BEST3: variants seen among roughly 807,000 people sequenced by gnomAD.
BEST3 encodes bestrophin 3.
In BEST3, 50 loss-of-function variants were observed where a neutral mutation model predicts 47.1. The observed-to-expected ratio is 1.06, with a 90% CI of 0.85 to 1.34. The LOEUF is 1.34. Ranked by LOEUF, BEST3 falls within the 40% of genes most tolerant of loss-of-function variation. The pLI is 0.00. For missense variants in BEST3, 765 were observed against 817.0 expected, an observed-to-expected ratio of 0.94 and a Z score of 0.78; for synonymous variants, 282 against 298.8, an observed-to-expected ratio of 0.94 and a Z score of 0.58.
chr12:69,668,765 C>T lies in BEST3; in HGVS notation c.1100+2663G>A, dbSNP rs150459281. On this transcript the variant is annotated intron_variant, in intron 9 of 9. Transcript: ENST00000330891. ...GCCATGAATAGTCAAAATATTGTCT[C>T]CCTGTTGATAGTAATTAGCTCAGAA... Among the ~76,000 whole-genome samples the T allele has an allele frequency of 4.0e-3, 605 of 152,266 alleles. 5 individuals are homozygous for T. Among genetic ancestry groups the T allele is most frequent in the African/African-American group, 0.014 (561 of 41,542 alleles).
Position 69,655,388 on chromosome 12 carries a change from T to C in BEST3, c.1526A>G (p.Glu509Gly). 9.9e-6 allele frequency: 16 copies of C among 1,614,082 alleles called. No individual in the cohort carries two copies. The highest frequency in any genetic ancestry group is 1.4e-5 in the Non-Finnish European group (16 of 1,179,996). Residue 509 changes from glutamate (E) to glycine (G), a missense_variant, in exon 10 of 10, where the codon GAA (glutamate) becomes GGA (glycine). Transcript: ENST00000330891. ...LVPEVLITAA[E>G]APVPTSGGYH... ...GCCCCCTGATGTGGGCACTGGTGCT[T>C]CGGCTGCTGTGATCAATACCTCAGG...
At chr12:69,697,530 A>G (rs1886176167) in intron 2 of BEST3, 117 bp downstream of exon 2, 2 of 759,066 alleles carry the variant, frequency 2.6e-6, no homozygotes, top group Non-Finnish European at 2.0e-6. Flanking sequence ...TGAGAGGCTC[A>G]CGCAAAAAAG....
intron 9 of BEST3, among the ~76,000 whole-genome samples, chr12:69,644,765 C>G (rs1212405418): frequency 6.6e-6 from 1 of 152,140 alleles, no homozygotes; most frequent in Non-Finnish European, 1.5e-5. Flanking sequence ...GACACAAACT[C>G]CACTTTCTTT....
chr12:69,655,928 T>C (rs1883464023), intron 9 of BEST3, 115 bp from the exon 10 acceptor site: 10 of 1,446,458 alleles, frequency 6.9e-6, no homozygotes, highest in Non-Finnish European at 9.1e-6. Flanking sequence ...ATTTTTTAAA[T>C]GGGGGTTTGA....
At chr12:69,674,031 C>T (rs1884745654) in intron 7 of BEST3, among the ~76,000 whole-genome samples, 1 of 151,564 alleles carries the variant, frequency 6.6e-6, no homozygotes, top group Non-Finnish European at 1.5e-5. Context: ...GAAAAATTTC[C>T]CTTGGTTTTT....
chr12:69,649,718 C>T (rs1054389195), downstream of BEST3, among the ~76,000 whole-genome samples: 35 of 152,174 alleles, frequency 2.3e-4, no homozygotes, highest in Non-Finnish European at 3.7e-4. Context: ...CCTCTACCCA[C>T]TAGATGCCAG....
intron 9 of BEST3, among the ~76,000 whole-genome samples, chr12:69,644,338 T>A (rs1363752430): frequency 6.6e-6 from 1 of 152,242 alleles, no homozygotes. Context: ...GAGAATTAAA[T>A]GTGCTAAGTA....
intron 9 of BEST3, among the ~76,000 whole-genome samples, chr12:69,666,669 C>T (rs983257467): frequency 6.6e-6 from 1 of 152,174 alleles, no homozygotes; most frequent in Admixed American, 6.5e-5. Flanking sequence ...CTCCCACCCA[C>T]TCTTTGGTTC....
At chr12:69,695,522 T>C (rs1886099783) in intron 2 of BEST3, among the ~76,000 whole-genome samples, 1 of 152,182 alleles carries the variant, frequency 6.6e-6, no homozygotes. Context: ...CAGGGAAAGC[T>C]GACAGGAGAG....
Position 69,655,280 on chromosome 12 carries a change from G to A in BEST3, c.1634C>T (p.Pro545Leu), listed in dbSNP as rs762534826. ...QPSKTEQQQG[P>L]MGSILSPSEK... is the part of the protein sequence containing the mutation. ...TGAGGGAGACAGGATGGATCCCATG[G>A]GGCCCTGCTGCTGCTCAGTCTTGCT... Residue 545 changes from proline to leucine, a missense_variant, in exon 10 of 10, where the codon CCC (proline) becomes CTC (leucine). Coordinates refer to ENST00000330891, the MANE Select transcript of BEST3 (RefSeq NM_032735.3). 5 of 1,614,048 alleles carry A rather than the reference G, an allele frequency of 3.1e-6. No individual in the cohort carries two copies. In the African/African-American group the frequency reaches 5.3e-5, roughly 17 times the overall value.
intron 9 of BEST3, among the ~76,000 whole-genome samples, chr12:69,665,071 C>G (rs1395386655): frequency 1.3e-5 from 2 of 149,492 alleles, no homozygotes; most frequent in Non-Finnish European, 3.0e-5. Context: ...ATGGCTCTGT[C>G]CAAACAAGGC....
At chr12:69,643,696 C>T in exon 10 of BEST3, 1 of 698,286 alleles carries the variant, frequency 1.4e-6, no homozygotes, top group East Asian at 2.7e-5. Context: ...TACCTTTAAC[C>T]ACCAGGATCA....
Position 69,655,755 on chromosome 12 carries a change from G to A in BEST3, c.1159C>T (p.His387Tyr), listed in dbSNP as rs1459917540. The A allele has an allele frequency of 5.6e-6, 9 of 1,613,658 alleles. No homozygotes were observed. The highest frequency in any genetic ancestry group is 7.6e-6 in the Non-Finnish European group (9 of 1,179,884). The change falls in exon 10 of 10, where the codon CAT (histidine) becomes TAT (tyrosine). Residue 387 changes from histidine (H) to tyrosine (Y), a missense_variant. Coordinates refer to ENST00000330891, the MANE Select transcript of BEST3 (RefSeq NM_032735.3). The stretch of plus-strand genomic sequence containing the variant: ...ACTCTTCTTATCATGGAATGCCGAT[G>A]GCCATGCTTCTCATAATCCCACAGC... ...EWLWDYEKHG[H>Y]RHSMIRRVKR...
intron 4 of BEST3, among the ~76,000 whole-genome samples, chr12:69,685,026 A>ATTCTG (rs1266826133): frequency 5.3e-5 from 8 of 150,794 alleles, no homozygotes; most frequent in African/African-American, 2.0e-4. Context: ...ATTCTATTCT[A>ATTCTG]TTCTATTCTA....
chr12:69,671,430 C>G lies in BEST3; in HGVS notation c.1098G>C (p.Met366Ile). Reference sequence around the variant, plus strand: ...AGATTTTTTAAAAATGCACTTACCCCATCTGGACTGTTGACCCCAGAAATG... The same window carrying G: ...AGATTTTTTAAAAATGCACTTACCCGATCTGGACTGTTGACCCCAGAAATG... Reference protein sequence around the residue: ...IPSFLGSTVQMGLSGSDFPDE... With the variant: ...IPSFLGSTVQIGLSGSDFPDE... Residue 366 changes from methionine (M) to isoleucine (I), a missense_variant and splice_region_variant, in exon 9 of 10, where the codon ATG (methionine) becomes ATC (isoleucine). Transcript: ENST00000330891. The G allele has an allele frequency of 6.2e-7, 1 of 1,613,242 alleles. No individual in the cohort carries two copies. The highest frequency in any genetic ancestry group is 8.5e-7 in the Non-Finnish European group (1 of 1,179,560).
chr12:69,675,657 A>G (rs1011349963), intron 7 of BEST3, among the ~76,000 whole-genome samples: 10 of 152,268 alleles, frequency 6.6e-5, no homozygotes, highest in Admixed American at 6.5e-4. Context: ...ATGGAAAATG[A>G]AAGTCATTAG....
In BEST3 at chr12:69,689,605, T is replaced by G. The variant is rs917501963; in HGVS notation, c.481+4069A>C. On this transcript the variant is annotated intron_variant, in intron 4 of 9. Coordinates refer to ENST00000330891, the MANE Select transcript of BEST3 (RefSeq NM_032735.3). ...TTTTGAGAAAATACTTAGGAATTAA[T>G]GAGAGCAACTGGGACCTTTTCACTG... 1.8e-4 allele frequency among the ~76,000 whole-genome samples: 28 copies of G among 152,326 alleles called. No individual in the cohort carries two copies. In the East Asian group the frequency reaches 2.7e-3, roughly 15 times the overall value.
chr12:69,666,505 T>C (rs1385261450), intron 9 of BEST3, among the ~76,000 whole-genome samples: 1 of 152,240 alleles, frequency 6.6e-6, no homozygotes, highest in Admixed American at 6.5e-5. Context: ...TTGGAAACTT[T>C]GTACCTTTGG....
chr12:69,649,768 A>G (rs374434456), downstream of BEST3, among the ~76,000 whole-genome samples: 2 of 152,326 alleles, frequency 1.3e-5, no homozygotes. Flanking sequence ...ATCTCCAGAC[A>G]TTGTCAAATA....
Sources: allele counts gnomAD v4.1 joint callset (sites outside exome capture counted in the v4.1 genomes callset), GRCh38; gene constraint gnomAD v4.1.1; transcripts MANE v1.5; gene names NCBI Gene and HGNC (gene_info 2026-07-23, HGNC 2026-07-21).